ENPEP: variants seen among roughly 807,000 people sequenced by gnomAD.
The protein encoded by ENPEP is glutamyl aminopeptidase, also known as AP-A.
In ENPEP, 103 loss-of-function variants were observed where a neutral mutation model predicts 114.5. The ratio of observed to expected loss-of-function variants is 0.90; its 90% CI spans 0.77 to 1.06. ENPEP has a LOEUF of 1.06. Ranked by LOEUF, ENPEP falls within the 50% of genes least tolerant of loss-of-function variation. The probability of loss-of-function intolerance (pLI) is 0.00; values close to 1 mark genes in which losing one functional copy is unlikely to be tolerated. For missense variants in ENPEP, 1,196 were observed against 1,161.3 expected (o/e 1.03, Z -0.43); for synonymous variants, 420 against 422.0 (o/e 1.00, Z 0.06).
chr4:110,524,061 T>C (rs1171568167), intron 10 of ENPEP, among the ~76,000 whole-genome samples: 1 of 151,908 alleles, frequency 6.6e-6, no homozygotes, highest in Non-Finnish European at 1.5e-5. Flanking sequence ...CTACAGAAAA[T>C]CTAAAAATAA....
At chr4:110,510,623 A>C (rs1037964440) in intron 6 of ENPEP, among the ~76,000 whole-genome samples, 2 of 152,126 alleles carry the variant, frequency 1.3e-5, no homozygotes, top group South Asian at 2.1e-4. Context: ...AAAAAAAAAA[A>C]AAACAGGTGG....
chr4:110,526,013 T>C (rs1378812839), intron 10 of ENPEP, among the ~76,000 whole-genome samples: 1 of 152,064 alleles, frequency 6.6e-6, no homozygotes, highest in Admixed American at 6.6e-5. Context: ...TGGTGGTTCA[T>C]GCCTGTAAGC....
intron 3 of ENPEP, among the ~76,000 whole-genome samples, chr4:110,502,029 T>A (rs755055479): frequency 6.6e-6 from 1 of 152,224 alleles, no homozygotes; most frequent in Non-Finnish European, 1.5e-5. Context: ...AGTTCTCTAA[T>A]GATTAGTCAT....
intron 2 of ENPEP, among the ~76,000 whole-genome samples, chr4:110,490,281 G>A (rs958642700): frequency 3.3e-5 from 5 of 152,160 alleles, no homozygotes; most frequent in African/African-American, 1.2e-4. Context: ...GATTATACAA[G>A]GGCATGCACA....
At position 110,553,444 on chromosome 4, in the gene ENPEP, T is replaced by G. The variant is rs772351104; in HGVS notation, c.2631T>G (p.Tyr877Ter). 2.1e-5 allele frequency: 33 copies of G among 1,609,162 alleles called. 1 individual carries two copies. The highest frequency in any genetic ancestry group is 2.7e-5 in the Non-Finnish European group (32 of 1,176,896). The change falls in exon 18 of 20, where the codon TAT (tyrosine) becomes TAG (stop). Residue 877 changes from tyrosine (Y) to a stop codon, truncating the protein, a stop_gained. Coordinates refer to ENST00000265162, the MANE Select transcript of ENPEP (RefSeq NM_001977.4). LOFTEE classifies it high-confidence loss of function. The part of the protein sequence containing the change: ...AWNWIQLNWD[Y>*]LVNRYTLNNR... ...ATTGGATACAACTCAACTGGGACTA[T>G]CTAGTCAACAGGTGGGATGATCTGA...
At chr4:110,536,971 T>G (rs2110381038) in intron 11 of ENPEP, among the ~76,000 whole-genome samples, 1 of 152,326 alleles carries the variant, frequency 6.6e-6, no homozygotes. Flanking sequence ...TACACTATAC[T>G]GCAGTCTACT....
At chr4:110,498,086 T>C (rs1725007603) in intron 3 of ENPEP, among the ~76,000 whole-genome samples, 1 of 152,230 alleles carries the variant, frequency 6.6e-6, no homozygotes, top group Admixed American at 6.5e-5. Context: ...AACTGATTAT[T>C]GTGTACATTT....
Position 110,561,652 on chromosome 4 carries a change from T to C in ENPEP, c.*94T>C, listed in dbSNP as rs1467233928. On this transcript the variant is annotated 3_prime_UTR_variant, in exon 20 of 20. Coordinates refer to ENST00000265162, the MANE Select transcript of ENPEP (RefSeq NM_001977.4). ...TTTACAAGCACGATGGAGAGAGCCTTATAAACAGATAATGCTTTTACTAAG... is the reference window on the plus strand; with the variant it reads ...TTTACAAGCACGATGGAGAGAGCCTCATAAACAGATAATGCTTTTACTAAG... 1 of 1,173,584 alleles carries C rather than the reference T, an allele frequency of 8.5e-7. No homozygotes were observed. The highest frequency in any genetic ancestry group is 1.5e-5 in the African/African-American group (1 of 64,818). 72.7% of individuals were successfully genotyped at this position (1,173,584 alleles called of 1,614,324 possible).
intron 4 of ENPEP, among the ~76,000 whole-genome samples, chr4:110,507,303 A>G (rs544621655): frequency 2.3e-4 from 35 of 152,344 alleles, no homozygotes; most frequent in African/African-American, 7.9e-4. Flanking sequence ...TGCATTCTTC[A>G]TAAAGCAAAA....
chr4:110,495,128 G>C (rs1165298011), intron 3 of ENPEP, among the ~76,000 whole-genome samples: 1 of 152,180 alleles, frequency 6.6e-6, no homozygotes, highest in Non-Finnish European at 1.5e-5. Context: ...TCATGAACAT[G>C]AGAGTTCAGC....
In ENPEP at chr4:110,549,536, G is replaced by A. The variant is rs748871905; in HGVS notation, c.2234G>A (p.Arg745His). 15 of 1,613,326 alleles carry A rather than the reference G, an allele frequency of 9.3e-6. No homozygotes were observed. Among genetic ancestry groups the A allele is most frequent in the South Asian group, 1.1e-5 (1 of 91,076 alleles). ...DAGDHVTKLL[R>H]SSVLGFACKM... The stretch of plus-strand genomic sequence containing the variant: ...TTTGTTTGTTTTTTAAGGTTACTCC[G>A]TTCCTCCGTGTTAGGGTTTGCGTGC... The change falls in exon 16 of 20, where the codon CGT becomes CAT. Residue 745 changes from arginine (R) to histidine (H), a missense_variant. Coordinates refer to ENST00000265162, the MANE Select transcript of ENPEP (RefSeq NM_001977.4).
chr4:110,559,749 T>C, intron 19 of ENPEP, 24 bp downstream of exon 19: 1 of 1,586,632 alleles, frequency 6.3e-7, no homozygotes, highest in South Asian at 1.1e-5. Flanking sequence ...TTCCTCTGCA[T>C]TTGTCCAAGA....
chr4:110,512,775 T>C lies in ENPEP; in HGVS notation c.1309-640T>C, dbSNP rs144317580. 1,289 of 152,376 alleles carry C rather than the reference T, an allele frequency of 8.5e-3. 10 individuals are homozygous for C. The highest frequency in any genetic ancestry group is 0.014 in the Non-Finnish European group (964 of 68,092). 9.4% of individuals were successfully genotyped at this position (152,376 alleles called of 1,614,324 possible). On this transcript the variant is annotated intron_variant, in intron 6 of 19. Coordinates refer to ENST00000265162, the MANE Select transcript of ENPEP (RefSeq NM_001977.4). Reference sequence around the variant, plus strand: ...TCCAAAAAGTACAGGCCATAATTACTTCTATTTAATGGGTGAGGAAACTTG... The same window carrying C: ...TCCAAAAAGTACAGGCCATAATTACCTCTATTTAATGGGTGAGGAAACTTG...
At chr4:110,480,232 G>A (rs756330673) in intron 1 of ENPEP, among the ~76,000 whole-genome samples, 19 of 152,206 alleles carry the variant, frequency 1.2e-4, no homozygotes, top group Non-Finnish European at 2.2e-4. Flanking sequence ...CAGATCTGGC[G>A]TCAGCTCAAT....
chr4:110,511,816 T>A (rs1015226762), intron 6 of ENPEP, among the ~76,000 whole-genome samples: 5 of 151,572 alleles, frequency 3.3e-5, no homozygotes, highest in African/African-American at 1.2e-4. Flanking sequence ...CAGACTGGAG[T>A]GCAGTGGAGC....
chr4:110,547,933 A>T (rs982751336), intron 13 of ENPEP, among the ~76,000 whole-genome samples: 1 of 152,006 alleles, frequency 6.6e-6, no homozygotes, highest in Admixed American at 6.6e-5. Context: ...TCAAATGTAC[A>T]TCTTAATGCC....
chr4:110,544,583 A>G (rs1578416298), intron 13 of ENPEP, among the ~76,000 whole-genome samples: 1 of 152,134 alleles, frequency 6.6e-6, no homozygotes, highest in Non-Finnish European at 1.5e-5. Context: ...CTGGGAAATT[A>G]AATGATGAAA....
At chr4:110,538,847 A>G (rs190216831) in intron 11 of ENPEP, among the ~76,000 whole-genome samples, 1 of 152,086 alleles carries the variant, frequency 6.6e-6, no homozygotes, top group Non-Finnish European at 1.5e-5. Flanking sequence ...AAGAATAGGG[A>G]GTCCCAAGGG....
At chr4:110,518,131 C>T (rs564522652) in intron 8 of ENPEP, among the ~76,000 whole-genome samples, 1 of 152,168 alleles carries the variant, frequency 6.6e-6, no homozygotes, top group East Asian at 1.9e-4. Flanking sequence ...CAAACTCAAC[C>T]TCAAACAGCA....
Sources: gnomAD v4.1 joint callset for allele counts (sites outside exome capture counted in the v4.1 genomes callset) on GRCh38, gnomAD v4.1.1 for gene constraint, MANE v1.5 for transcripts, NCBI Gene and HGNC (gene_info 2026-07-23, HGNC 2026-07-21) for gene names.